Variants in THOC5 observed in about 807,000 individuals in gnomAD.
THOC5 encodes THO complex subunit 5.
THOC5 carries 43 observed loss-of-function variants against 92.9 expected under a neutral mutation model. That is an observed-to-expected ratio of 0.46 (90% CI 0.36 to 0.60). The LOEUF (loss-of-function observed/expected upper bound fraction) is 0.60, where lower values mean the gene tolerates loss of function less well. Among genes scored for constraint, THOC5 ranks in the 20% least tolerant of loss-of-function variants. The pLI, the probability that THOC5 is intolerant of heterozygous loss-of-function variation, is 0.00. For synonymous variants in THOC5, 296 were observed against 320.1 expected, an observed-to-expected ratio of 0.92 and a Z score of 0.80; for missense variants, 659 against 849.4, an observed-to-expected ratio of 0.78 and a Z score of 2.79.
chr22:29,548,281 C>A (rs950600938), intron 2 of THOC5, among the ~76,000 whole-genome samples: 1 of 152,070 alleles, frequency 6.6e-6, no homozygotes, highest in Non-Finnish European at 1.5e-5. Context: ...CAGCTGGGTG[C>A]GGGGTGGCTC....
intron 17 of THOC5, among the ~76,000 whole-genome samples, chr22:29,513,696 A>G (rs922347264): frequency 6.6e-5 from 10 of 151,588 alleles, no homozygotes; most frequent in African/African-American, 2.4e-4. Flanking sequence ...CTCAAAATAA[A>G]TAAATAAAAA....
At chr22:29,544,635 A>T in intron 2 of THOC5, 32 bp from the exon 3 acceptor site, 1 of 1,553,090 alleles carries the variant, frequency 6.4e-7, no homozygotes, top group Non-Finnish European at 8.7e-7. Flanking sequence ...CTCTGTGTGC[A>T]TGGGGTAAAA....
At position 29,512,254 on chromosome 22, in the gene THOC5, G is replaced by A. The variant is rs2063239372; in HGVS notation, c.1682-118C>T. ...GATGTCTCCTATTAATCTGAATGCT[G>A]CAGAGTATATTCTGGTACCAACTGT... On this transcript the variant is annotated intron_variant, in intron 17 of 19. Coordinates refer to ENST00000490103, the MANE Select transcript of THOC5 (RefSeq NM_003678.5). 1.5e-5 allele frequency: 11 copies of A among 735,544 alleles called. No individual in the cohort carries two copies. In the South Asian group the frequency reaches 1.5e-4, roughly 10 times the overall value. The allele number at this position is 735,544 out of a possible 1,614,324, so 45.6% of individuals were successfully genotyped here. A position where few individuals can be genotyped will look rare whatever the true frequency, so the allele number is the denominator to read the frequency against.
At position 29,546,142 on chromosome 22, in the gene THOC5, C is replaced by T. The variant is rs149885872; in HGVS notation, c.97-1539G>A. On this transcript the variant is annotated intron_variant, in intron 2 of 19. Transcript: ENST00000490103. ...AGCCACAGGCCAAGCTCTAGATTGG[C>T]CCCTTTCAGCCATGCCTGGACTGGC... Among the ~76,000 whole-genome samples, 691 of 152,344 alleles carry T rather than the reference C, an allele frequency of 4.5e-3. 7 individuals are homozygous for T. Among genetic ancestry groups the T allele is most frequent in the Middle Eastern group, 0.034 (10 of 294 alleles).
intron 12 of THOC5, among the ~76,000 whole-genome samples, chr22:29,523,283 T>TAAAATAAA (rs1569215360): frequency 1.6e-4 from 24 of 151,860 alleles, no homozygotes; most frequent in East Asian, 9.7e-4. Flanking sequence ...ATAAAAACAT[T>TAAAATAAA]AACTCTGTCA....
chr22:29,552,655 G>C (rs980009734), intron 1 of THOC5, among the ~76,000 whole-genome samples: 7 of 149,862 alleles, frequency 4.7e-5, no homozygotes, highest in Admixed American at 4.6e-4. Flanking sequence ...CACCCCGTCC[G>C]GGAGGTGGGG....
At chr22:29,531,455 T>C (rs1389383726) in intron 8 of THOC5, 2 of 1,020,804 alleles carry the variant, frequency 2.0e-6, no homozygotes, top group Non-Finnish European at 2.3e-6. Context: ...GAGAGCTGGC[T>C]GAGACCTGTA....
intron 2 of THOC5, among the ~76,000 whole-genome samples, chr22:29,548,118 C>G (rs186083992): frequency 6.6e-6 from 1 of 152,274 alleles, no homozygotes; most frequent in Admixed American, 6.5e-5. Flanking sequence ...TCAATTACCT[C>G]CTCGTAGGTC....
intron 4 of THOC5, 72 bp downstream of exon 4, chr22:29,543,357 A>C: frequency 9.8e-7 from 1 of 1,017,408 alleles, no homozygotes; most frequent in Non-Finnish European, 1.4e-6. Context: ...CAAAAAAAAA[A>C]AAAAAAAAAA....
At chr22:29,520,173 C>CTCCCACCCTCCCATG (rs2063411908) in intron 13 of THOC5, 69 bp from the exon 14 acceptor site, 2 of 1,321,006 alleles carry the variant, frequency 1.5e-6, no homozygotes, top group South Asian at 2.7e-5. Flanking sequence ...ATACAGCCTC[C>CTCCCACCCTCCCATG]TCCCACCCTC....
chr22:29,517,771 G>C (rs185587670), intron 15 of THOC5, among the ~76,000 whole-genome samples: 1 of 152,336 alleles, frequency 6.6e-6, no homozygotes, highest in Admixed American at 6.5e-5. Flanking sequence ...TCAGGGAGAA[G>C]AGCCAGATAA....
At chr22:29,519,983 A>G in intron 14 of THOC5, 25 bp downstream of exon 14, 1 of 1,598,530 alleles carries the variant, frequency 6.3e-7, no homozygotes, top group Non-Finnish European at 8.6e-7. Flanking sequence ...CTCCTCAGCC[A>G]ACTAGATGAG....
intron 2 of THOC5, among the ~76,000 whole-genome samples, chr22:29,548,299 T>C (rs901206826): frequency 1.3e-5 from 2 of 152,178 alleles, no homozygotes; most frequent in African/African-American, 4.8e-5. Flanking sequence ...CTCACACCTA[T>C]AATCCCAATA....
chr22:29,537,563 G>C (rs2063784188), intron 6 of THOC5, among the ~76,000 whole-genome samples: 1 of 151,444 alleles, frequency 6.6e-6, no homozygotes, highest in Non-Finnish European at 1.5e-5. Flanking sequence ...CGCTTAAACT[G>C]GGGAGGCGGA....
chr22:29,531,600 C>T (rs1297951004), intron 8 of THOC5: 6 of 1,264,180 alleles, frequency 4.7e-6, no homozygotes, highest in Admixed American at 3.7e-5. Flanking sequence ...CAGCCAGGCT[C>T]ACGAATGACT....
Position 29,505,918 on chromosome 22 carries a change from G to A in THOC5, c.*2539C>T, listed in dbSNP as rs972096010. On this transcript the variant is annotated 3_prime_UTR_variant, in exon 20 of 20. Coordinates refer to ENST00000490103, the MANE Select transcript of THOC5 (RefSeq NM_003678.5). ...TGCTCTGTTGTCCAGATGGTGCAGTGGCACCATCTCGGCTCAGTGCAACCT... is the reference window on the plus strand; with the variant it reads ...TGCTCTGTTGTCCAGATGGTGCAGTAGCACCATCTCGGCTCAGTGCAACCT... 2.0e-5 allele frequency: 3 copies of A among 151,072 alleles called. No individual in the cohort carries two copies. Among genetic ancestry groups the A allele is most frequent in the African/African-American group, 7.3e-5 (3 of 41,038 alleles). 9.4% of individuals were successfully genotyped at this position (151,072 alleles called of 1,614,324 possible).
chr22:29,520,876 A>G (rs1429139429), intron 13 of THOC5, 122 bp downstream of exon 13: 3 of 726,742 alleles, frequency 4.1e-6, no homozygotes, highest in Non-Finnish European at 7.3e-6. Flanking sequence ...ATTTCCTTCT[A>G]CCCTGTGGTC....
At chr22:29,523,460 C>T (rs1264177074) in intron 12 of THOC5, among the ~76,000 whole-genome samples, 2 of 152,024 alleles carry the variant, frequency 1.3e-5, no homozygotes, top group Non-Finnish European at 2.9e-5. Flanking sequence ...AAAAAAATTT[C>T]GAAAACCTAA....
intron 19 of THOC5, among the ~76,000 whole-genome samples, chr22:29,509,941 G>T (rs13056663): frequency 6.6e-6 from 1 of 151,750 alleles, no homozygotes; most frequent in South Asian, 2.1e-4. Context: ...AAGGCACTGT[G>T]TAGACTGACA....
Sources: allele counts gnomAD v4.1 joint callset (sites outside exome capture counted in the v4.1 genomes callset), GRCh38; gene constraint gnomAD v4.1.1; transcripts MANE v1.5; gene names NCBI Gene and HGNC (gene_info 2026-07-23, HGNC 2026-07-21).